Variants in VAC14 observed in about 807,000 individuals in gnomAD.
VAC14 encodes VAC14 component of PIKFYVE complex, also known as protein VAC14 homolog.
In VAC14, 47 loss-of-function variants were observed where a neutral mutation model predicts 85.3. The ratio of observed to expected loss-of-function variants is 0.55; its 90% confidence interval spans 0.44 to 0.70. VAC14 has a LOEUF of 0.70. Ranked by LOEUF, VAC14 falls within the 30% of genes least tolerant of loss-of-function variation. The pLI is 0.00. For synonymous variants in VAC14, 447 were observed against 430.5 expected, an observed-to-expected ratio of 1.04 and a Z score of -0.47; for missense variants, 861 against 1,004.3, an observed-to-expected ratio of 0.86 and a Z score of 1.93.
intron 12 of VAC14, chr16:70,761,278 C>A: frequency 2.6e-6 from 1 of 383,734 alleles, no homozygotes. Context: ...AGCCCTCTCC[C>A]ATCCCCCCCA....
intron 14 of VAC14, among the ~76,000 whole-genome samples, chr16:70,711,438 G>C (rs2054032680): frequency 6.6e-6 from 1 of 152,030 alleles, no homozygotes; most frequent in Non-Finnish European, 1.5e-5. Context: ...TGCAGAGTCT[G>C]GGTCCTGGTT....
intron 14 of VAC14, chr16:70,714,040 A>C (rs1006274843): frequency 8.5e-5 from 13 of 152,170 alleles, no homozygotes; most frequent in African/African-American, 3.1e-4. Context: ...CAGCTGCTGG[A>C]AACAGGGCAC....
intron 14 of VAC14, among the ~76,000 whole-genome samples, chr16:70,719,748 C>T (rs1016931243): frequency 6.6e-6 from 1 of 152,246 alleles, no homozygotes; most frequent in Non-Finnish European, 1.5e-5. Flanking sequence ...CGTGGAGCAA[C>T]TGGAACTCTC....
At chr16:70,731,352 C>T (rs904627299) in intron 14 of VAC14, 143 bp downstream of exon 14, 1 of 1,493,136 alleles carries the variant, frequency 6.7e-7, no homozygotes, top group South Asian at 1.4e-5. Flanking sequence ...GGGCAACCTT[C>T]TTCATTTCTT....
intron 12 of VAC14, among the ~76,000 whole-genome samples, chr16:70,748,090 C>G (rs1443726918): frequency 6.6e-6 from 1 of 152,108 alleles, no homozygotes; most frequent in East Asian, 1.9e-4. Context: ...CAGTCACCTG[C>G]TCAAGGTAAC....
At chr16:70,723,112 C>T (rs959043949) in intron 14 of VAC14, among the ~76,000 whole-genome samples, 1 of 152,054 alleles carries the variant, frequency 6.6e-6, no homozygotes, top group African/African-American at 2.4e-5. Context: ...ATTCCAGCTA[C>T]TCGGGAGGCT....
intron 14 of VAC14, among the ~76,000 whole-genome samples, chr16:70,726,069 G>A (rs1006792388): frequency 2.0e-5 from 3 of 152,266 alleles, no homozygotes; most frequent in African/African-American, 7.2e-5. Context: ...ACAGAAGCAG[G>A]CCTTGTAAAG....
chr16:70,793,597 A>C (rs1167211976), intron 1 of VAC14, among the ~76,000 whole-genome samples: 2 of 151,966 alleles, frequency 1.3e-5, no homozygotes, highest in African/African-American at 4.8e-5. Flanking sequence ...ATTTCATTTA[A>C]CTCCAATCCC....
chr16:70,769,193 C>G (rs2033038130), intron 10 of VAC14: 1 of 166,208 alleles, frequency 6.0e-6, no homozygotes, highest in Non-Finnish European at 1.3e-5. Context: ...CTCAGAGGCA[C>G]AGGACTGCCA....
At chr16:70,711,680 G>A (rs2054037848) in intron 14 of VAC14, among the ~76,000 whole-genome samples, 1 of 152,162 alleles carries the variant, frequency 6.6e-6, no homozygotes, top group Admixed American at 6.5e-5. Flanking sequence ...GCTGCCCTGG[G>A]CACGGGCCAT....
chr16:70,687,700 A>T lies in VAC14; in HGVS notation c.*228T>A, dbSNP rs1198776863. ...GGCTATAGCCCCCCACTGGGTGGGC[A>T]GCCAGCTCTGTGAGAATGCCAGGGT... On this transcript the variant is annotated 3_prime_UTR_variant, in exon 19 of 19. Coordinates refer to ENST00000261776, the MANE Select transcript of VAC14 (RefSeq NM_018052.5). 2.4e-6 allele frequency: 1 copy of T among 414,758 alleles called. No individual in the cohort carries two copies. The highest frequency in any genetic ancestry group is 4.1e-6 in the Non-Finnish European group (1 of 242,386). The allele number at this position is 414,758 out of a possible 1,614,324, so 25.7% of individuals were successfully genotyped here. A position where few individuals can be genotyped will look rare whatever the true frequency, so the allele number is the denominator to read the frequency against.
intron 6 of VAC14, 65 bp downstream of exon 6, chr16:70,783,380 T>C (rs1324721913): frequency 2.0e-6 from 3 of 1,529,970 alleles, no homozygotes; most frequent in Non-Finnish European, 2.7e-6. Flanking sequence ...TCTGTGGGCA[T>C]GAAGCACATG....
intron 1 of VAC14, among the ~76,000 whole-genome samples, chr16:70,791,193 GCTC>G (rs1475985611): frequency 4.6e-5 from 7 of 152,150 alleles, no homozygotes; most frequent in African/African-American, 1.7e-4. Flanking sequence ...CTCTAGAAAA[GCTC>G]CTGGTCCCTT....
chr16:70,723,982 T>G (rs1471643087), intron 14 of VAC14, among the ~76,000 whole-genome samples: 2 of 152,086 alleles, frequency 1.3e-5, no homozygotes. Flanking sequence ...GGGGTCACCC[T>G]GAAGGACACA....
chr16:70,800,859 G>T lies in VAC14; in HGVS notation c.42C>A (p.Ile14=). 6.2e-7 allele frequency: 1 copy of T among 1,607,206 alleles called. No homozygotes were observed. Among genetic ancestry groups the T allele is most frequent in the African/African-American group, 1.3e-5 (1 of 74,144 alleles). ...EKDFAPLTPN[I]VRALNDKLYE... ...ACAGCTTGTCATTGAGGGCGCGCAC[G>T]ATGTTAGGCGTGAGCGGCGCGAAAT... is the stretch of plus-strand genomic sequence containing the variant. The change falls in exon 1 of 19, where the codon ATC becomes ATA. Residue 14 remains isoleucine, a synonymous_variant. Coordinates refer to ENST00000261776, the MANE Select transcript of VAC14 (RefSeq NM_018052.5).
Position 70,698,219 on chromosome 16 carries a change from C to G in VAC14, c.1836+418G>C, listed in dbSNP as rs368383758. Among the ~76,000 whole-genome samples the G allele has an allele frequency of 5.9e-5, 9 of 152,298 alleles. No individual in the cohort carries two copies. In the East Asian group the frequency reaches 1.7e-3, roughly 29 times the overall value. On this transcript the variant is annotated intron_variant, in intron 15 of 18. Coordinates refer to ENST00000261776, the MANE Select transcript of VAC14 (RefSeq NM_018052.5). ...GCCAGGCCAAGGAGGGCGAGAAGAG[C>G]TGTTAACCCCTGATTCGCCAGCAAG...
intron 18 of VAC14, chr16:70,691,532 A>ATGGC: frequency 1.0e-6 from 1 of 985,414 alleles, no homozygotes; most frequent in Non-Finnish European, 1.2e-6. Context: ...CCCCCGCTCC[A>ATGGC]TGGCTGACCC....
chr16:70,765,319 TGAG>T (rs1157240152), intron 10 of VAC14, among the ~76,000 whole-genome samples: 5 of 152,162 alleles, frequency 3.3e-5, no homozygotes, highest in African/African-American at 1.2e-4. Context: ...GAGCTGCTGG[TGAG>T]GAGGAGGGCG....
rs529228467 is a variant in VAC14 at position 70,711,413 on chromosome 16, C to T, written c.1662-12602G>A. Among the ~76,000 whole-genome samples the T allele has an allele frequency of 3.3e-4, 51 of 152,270 alleles. 1 individual carries two copies. Among genetic ancestry groups the T allele is most frequent in the African/African-American group, 1.1e-3 (46 of 41,576 alleles). On this transcript the variant is annotated intron_variant, in intron 14 of 18. Transcript: ENST00000261776. ...GGCCCTGACACTTGCCTTCTTGAGG[C>T]CCCACCCCCACCTGTGCAGAGTCTG... is the stretch of plus-strand genomic sequence containing the variant.
Sources: allele counts gnomAD v4.1 joint callset (sites outside exome capture counted in the v4.1 genomes callset), GRCh38; gene constraint gnomAD v4.1.1; transcripts MANE v1.5; gene names NCBI Gene and HGNC (gene_info 2026-07-23, HGNC 2026-07-21).